The following SLC6A3 variants were observed in gnomAD, a reference collection of about 807,000 sequenced individuals.
The protein encoded by SLC6A3 is solute carrier family 6 member 3.
SLC6A3 carries 19 observed loss-of-function variants against 70.4 expected under a neutral mutation model. The observed-to-expected ratio is 0.27, with a 90% CI of 0.19 to 0.40. The LOEUF is 0.40. Among genes scored for constraint, SLC6A3 ranks in the 10% least tolerant of loss-of-function variants. The pLI is 1.00. For synonymous variants in SLC6A3, 368 were observed against 356.6 expected, an observed-to-expected ratio of 1.03 and a Z score of -0.36; for missense variants, 613 against 838.5, an observed-to-expected ratio of 0.73 and a Z score of 3.32.
chr5:1,433,267 A>C (rs1172305745), intron 3 of SLC6A3, among the ~76,000 whole-genome samples: 1 of 152,020 alleles, frequency 6.6e-6, no homozygotes, highest in Non-Finnish European at 1.5e-5. Flanking sequence ...AGCCCATGCA[A>C]ATAGGGCCAT....
At position 1,402,940 on chromosome 5, in the gene SLC6A3, C is replaced by G. The variant is rs368756352; in HGVS notation, c.1749G>C (p.Leu583=). The change falls in exon 13 of 15, where the codon CTG becomes CTC. Residue 583 remains leucine, a synonymous_variant. Coordinates refer to ENST00000270349, the MANE Select transcript of SLC6A3 (RefSeq NM_001044.5). This position sits in a 1 kb window ranked among gnomAD's most constrained non-coding sequence, Gnocchi z 8.5. The stretch of plus-strand genomic sequence containing the variant: ...TACCCACCTCTCGAAAGGACCCAGG[C>G]AGGCTGCAGAACTTGTAGGCCGCAT... ...PIYAAYKFCS[L]PGSFREKLAY... is the part of the protein sequence containing the mutation. 6.8e-6 allele frequency: 11 copies of G among 1,613,688 alleles called. No homozygotes were observed. The African/African-American group carries it at 1.5e-4, about 22-fold the overall frequency.
In SLC6A3 at chr5:1,436,541, C is replaced by T. The variant is rs1756840562; in HGVS notation, c.419-3843G>A. Among the ~76,000 whole-genome samples the T allele has an allele frequency of 1.3e-5, 2 of 152,194 alleles. No individual in the cohort carries two copies. On this transcript the variant is annotated intron_variant, in intron 3 of 14. Transcript: ENST00000270349. The surrounding 1 kb of genome is among the most constrained non-coding windows in gnomAD (Gnocchi z 5.2). ...TGAATTTCAAGCATAGCTTTTAAGG[C>T]CCATTTCCTTAAATTTATTTTTGCT... is the stretch of plus-strand genomic sequence containing the variant.
chr5:1,432,455 C>T lies in SLC6A3; in HGVS notation c.653+9G>A. On this transcript the variant is annotated intron_variant, in intron 4 of 14. Transcript: ENST00000270349. ...CTCTCCCGTTCCCGAGGACCCGACTCCCACTTACTCAAAGTACTCGGCAGC... is the reference window on the plus strand; with the variant it reads ...CTCTCCCGTTCCCGAGGACCCGACTTCCACTTACTCAAAGTACTCGGCAGC... 1.2e-6 allele frequency: 2 copies of T among 1,607,780 alleles called. No individual in the cohort carries two copies. The highest frequency in any genetic ancestry group is 1.7e-6 in the Non-Finnish European group (2 of 1,174,280).
Position 1,397,523 on chromosome 5 carries a change from C to T in SLC6A3, c.1840-2765G>A, listed in dbSNP as rs73028252. 0.016 allele frequency among the ~76,000 whole-genome samples: 2,491 copies of T among 152,306 alleles called. 58 individuals carry two copies. Among genetic ancestry groups the T allele is most frequent in the African/African-American group, 0.057 (2,370 of 41,546 alleles). ...CGAGACACCGAAAGCAGAAGAAACT[C>T]GGCCGAGTGCAGGGGTGAGGACAGA... On this transcript the variant is annotated intron_variant, in intron 14 of 14. Coordinates refer to ENST00000270349, the MANE Select transcript of SLC6A3 (RefSeq NM_001044.5). The surrounding 1 kb of genome is among the most constrained non-coding windows in gnomAD (Gnocchi z 4.7).
At chr5:1,425,128 C>A (rs1011362737) in intron 4 of SLC6A3, among the ~76,000 whole-genome samples, 14 of 152,232 alleles carry the variant, frequency 9.2e-5, no homozygotes, top group African/African-American at 3.4e-4. Context: ...ACAGCACCTC[C>A]CAATTTCTAC....
intron 4 of SLC6A3, among the ~76,000 whole-genome samples, chr5:1,429,217 TG>T (rs549161326): frequency 5.1e-4 from 78 of 152,352 alleles, no homozygotes; most frequent in South Asian, 8.3e-4. Context: ...CAAGAGTCAC[TG>T]GGGCCTGTTT....
intron 3 of SLC6A3, among the ~76,000 whole-genome samples, chr5:1,435,623 G>C (rs757120417): frequency 3.3e-5 from 5 of 152,270 alleles, no homozygotes; most frequent in Admixed American, 1.3e-4. Flanking sequence ...CTGATCCATG[G>C]GACAGTGCAG....
At chr5:1,415,001 C>A (rs1204975965) in intron 7 of SLC6A3, among the ~76,000 whole-genome samples, 186 bp from the exon 8 acceptor site, 1 of 152,184 alleles carries the variant, frequency 6.6e-6, no homozygotes, top group African/African-American at 2.4e-5. Context: ...CCACCTTGGT[C>A]CCCTAGCTGA....
rs1410995063 is a variant in SLC6A3, at chr5:1,437,749, G to A, written c.418+3610C>T. ...AGGTCTGCAGGAGGGGAAGGGCCAG[G>A]AACAACCAGGCTTCCTGGAGAGCTG... On this transcript the variant is annotated intron_variant, in intron 3 of 14. Coordinates refer to ENST00000270349, the MANE Select transcript of SLC6A3 (RefSeq NM_001044.5). The surrounding 1 kb of genome is among the most constrained non-coding windows in gnomAD (Gnocchi z 4.8). 6.6e-6 allele frequency among the ~76,000 whole-genome samples: 1 copy of A among 152,244 alleles called. No individual in the cohort carries two copies. The highest frequency in any genetic ancestry group is 1.5e-5 in the Non-Finnish European group (1 of 68,042).
At chr5:1,418,078 A>G (rs1756348644) in intron 6 of SLC6A3, among the ~76,000 whole-genome samples, 1 of 152,216 alleles carries the variant, frequency 6.6e-6, no homozygotes, top group Non-Finnish European at 1.5e-5. Flanking sequence ...GGAGGAGCCA[A>G]GCCGAGAGTG....
Position 1,414,705 on chromosome 5 carries a change from T to G in SLC6A3, c.1142A>C (p.Asp381Ala). 3.7e-6 allele frequency: 6 copies of G among 1,612,458 alleles called. No homozygotes were observed. Among genetic ancestry groups the G allele is most frequent in the Non-Finnish European group, 5.1e-6 (6 of 1,179,784 alleles). Residue 381 changes from aspartate to alanine, a missense_variant, in exon 8 of 15, where the codon GAC (aspartate) becomes GCC (alanine). Physicochemically the swap from Asp to Ala is moderately radical, Grantham distance 126. Around this residue, in one of 4 missense-constraint regions of SLC6A3, gnomAD observed 348 missense variants for 481.2 expected, o/e 0.72. Transcript: ENST00000270349. ...GAGGGGCTCACCGTCCTTGGCCACG[T>G]CCCCGATGGGCACACTGTGCTTCTG... is the stretch of plus-strand genomic sequence containing the variant. ...MAQKHSVPIGDVAKDGPGLIF... is the reference protein window; with the variant it reads ...MAQKHSVPIGAVAKDGPGLIF...
intron 3 of SLC6A3, among the ~76,000 whole-genome samples, chr5:1,435,634 C>A (rs1240091205): frequency 6.6e-6 from 1 of 152,380 alleles, no homozygotes; most frequent in Non-Finnish European, 1.5e-5. Flanking sequence ...GACAGTGCAG[C>A]CCCCACACCA....
chr5:1,440,125 T>C (rs1030895418), intron 3 of SLC6A3, among the ~76,000 whole-genome samples: 1 of 152,100 alleles, frequency 6.6e-6, no homozygotes, highest in African/African-American at 2.4e-5. Context: ...GATCAATAGC[T>C]AGTAGATAGG....
rs904443793 is a variant in SLC6A3 at position 1,436,169 on chromosome 5, C to T, written c.419-3471G>A. ...AGGCATTCGGTTGCTCCAAGCCCTGCCCTTCAGGAAGGCAGAGCCCGTGAC... is the reference window on the plus strand; with the variant it reads ...AGGCATTCGGTTGCTCCAAGCCCTGTCCTTCAGGAAGGCAGAGCCCGTGAC... On this transcript the variant is annotated intron_variant, in intron 3 of 14. Coordinates refer to ENST00000270349, the MANE Select transcript of SLC6A3 (RefSeq NM_001044.5). This position sits in a 1 kb window ranked among gnomAD's most constrained non-coding sequence, Gnocchi z 5.2. 1.2e-4 allele frequency among the ~76,000 whole-genome samples: 18 copies of T among 152,240 alleles called. No homozygotes were observed. The highest frequency in any genetic ancestry group is 4.1e-4 in the African/African-American group (17 of 41,452).
intron 7 of SLC6A3, among the ~76,000 whole-genome samples, chr5:1,415,055 G>A (rs1756251418): frequency 6.6e-6 from 1 of 152,168 alleles, no homozygotes; most frequent in African/African-American, 2.4e-5. Context: ...GGGCAGAACA[G>A]ACGGCCACCC....
intron 12 of SLC6A3, among the ~76,000 whole-genome samples, chr5:1,403,774 C>T (rs865971128): frequency 2.0e-5 from 3 of 152,276 alleles, no homozygotes; most frequent in Middle Eastern, 6.8e-3. Context: ...GAACCACCAC[C>T]ACAAAGGTAA....
intron 4 of SLC6A3, among the ~76,000 whole-genome samples, chr5:1,426,187 T>C (rs1332501544): frequency 6.6e-6 from 1 of 151,970 alleles, no homozygotes; most frequent in Non-Finnish European, 1.5e-5. Context: ...TTGAGGTTCA[T>C]AGCAGCATGT....
chr5:1,412,037 C>T (rs1756141687), intron 8 of SLC6A3, among the ~76,000 whole-genome samples: 1 of 152,258 alleles, frequency 6.6e-6, no homozygotes, highest in South Asian at 2.1e-4. Context: ...CATACACAAA[C>T]ACACACAAAT....
rs1200533894 is a variant in SLC6A3 at position 1,405,994 on chromosome 5, G to A, written c.1599+194C>T. On this transcript the variant is annotated intron_variant, in intron 12 of 14. Coordinates refer to ENST00000270349, the MANE Select transcript of SLC6A3 (RefSeq NM_001044.5). The surrounding 1 kb of genome is among the most constrained non-coding windows in gnomAD (Gnocchi z 5.3). Reference sequence around the variant, plus strand: ...ATGTGAGGTTTTTTCGGTGGGTCTAGAGGGGAGGGTGGAAGCCACCTTAAG... The same window carrying A: ...ATGTGAGGTTTTTTCGGTGGGTCTAAAGGGGAGGGTGGAAGCCACCTTAAG... 6.6e-6 allele frequency among the ~76,000 whole-genome samples: 1 copy of A among 152,232 alleles called. No homozygotes were observed. Among genetic ancestry groups the A allele is most frequent in the Non-Finnish European group, 1.5e-5 (1 of 68,036 alleles).
Sources: gnomAD v4.1 joint callset for allele counts (sites outside exome capture counted in the v4.1 genomes callset) on GRCh38, gnomAD v4.1.1 for gene constraint, gnomAD v4.1.1 regional missense constraint, Gnocchi (gnomAD v3.1) non-coding constraint, MANE v1.5 for transcripts, NCBI Gene and HGNC (gene_info 2026-07-23, HGNC 2026-07-21) for gene names.